FBXO4: variants seen among roughly 807,000 people sequenced by gnomAD.
The protein encoded by FBXO4 is F-box protein 4.
In FBXO4, 36 loss-of-function variants were observed where a neutral mutation model predicts 43.7. The ratio of observed to expected loss-of-function variants is 0.82; its 90% CI spans 0.63 to 1.09. The LOEUF (loss-of-function observed/expected upper bound fraction) is 1.09, where lower values mean the gene tolerates loss of function less well. Ranked by LOEUF, FBXO4 falls within the 50% of genes least tolerant of loss-of-function variation. The pLI, the probability that FBXO4 is intolerant of heterozygous loss-of-function variation, is 0.00. For synonymous variants in FBXO4, 180 were observed against 165.6 expected, an observed-to-expected ratio of 1.09 and a Z score of -0.67; for missense variants, 435 against 474.1, an observed-to-expected ratio of 0.92 and a Z score of 0.77.
the FBXO4 span, among the ~76,000 whole-genome samples, chr5:42,037,532 A>T: frequency 6.6e-6 from 1 of 152,054 alleles, no homozygotes. Flanking sequence ...TTGTTCTCTG[A>T]CCCACGTCCT....
chr5:42,002,382 A>G, the FBXO4 span, among the ~76,000 whole-genome samples: 2 of 152,330 alleles, frequency 1.3e-5, no homozygotes, highest in African/African-American at 4.8e-5. Flanking sequence ...TAACCTTGCT[A>G]TATCTTCAAA....
At chr5:42,001,407 CT>C in the FBXO4 span, among the ~76,000 whole-genome samples, 1 of 152,064 alleles carries the variant, frequency 6.6e-6, no homozygotes, top group African/African-American at 2.4e-5. Context: ...TTTTGTTGTA[CT>C]TTTAGTAGAG....
rs1447690054 is a variant in FBXO4, at chr5:41,936,151, C to T, written c.898+1843C>T. ...AAATCTAAAAATTATGAGACACTCA[C>T]AAAATCAAAATGAAATGATACATTG... On this transcript the variant is annotated intron_variant, in intron 5 of 6. Transcript: ENST00000281623. 3.3e-5 allele frequency among the ~76,000 whole-genome samples: 5 copies of T among 152,156 alleles called. No individual in the cohort carries two copies. In the East Asian group the frequency reaches 9.6e-4, roughly 29 times the overall value.
chr5:41,939,625 AT>A lies in FBXO4; in HGVS notation c.1074+12del. On this transcript the variant is annotated intron_variant, in intron 6 of 6. Coordinates refer to ENST00000281623, the MANE Select transcript of FBXO4 (RefSeq NM_012176.3). ...TAAATCACCCATGGCTGGTAAGATCATTTATACTCTAGTGACAAAAATTTTA... is the reference window on the plus strand; with the variant it reads ...TAAATCACCCATGGCTGGTAAGATCATTATACTCTAGTGACAAAAATTTTA... 1.3e-6 allele frequency: 2 copies of A among 1,592,088 alleles called. No homozygotes were observed. The highest frequency in any genetic ancestry group is 1.7e-6 in the Non-Finnish European group (2 of 1,169,460).
the FBXO4 span, among the ~76,000 whole-genome samples, chr5:41,974,677 C>G: frequency 8.2e-4 from 125 of 152,150 alleles, no homozygotes; most frequent in African/African-American, 2.9e-3. Flanking sequence ...TTCACCTTCT[C>G]TCTTAGAACT....
chr5:41,945,329 G>T (rs1336909337), downstream of FBXO4, among the ~76,000 whole-genome samples: 3 of 152,148 alleles, frequency 2.0e-5, no homozygotes, highest in Non-Finnish European at 2.9e-5. Context: ...TTTTTAGAAT[G>T]AATAATGAAT....
downstream of FBXO4, among the ~76,000 whole-genome samples, chr5:41,944,632 A>G (rs748387948): frequency 4.6e-5 from 7 of 152,226 alleles, no homozygotes; most frequent in Non-Finnish European, 5.9e-5. Flanking sequence ...AATATTCCAT[A>G]TTTAGCAGTC....
chr5:42,040,308 A>G, the FBXO4 span, among the ~76,000 whole-genome samples: 1 of 151,900 alleles, frequency 6.6e-6, no homozygotes, highest in Non-Finnish European at 1.5e-5. Flanking sequence ...AAGTGCACCT[A>G]TTTTGGTTTC....
chr5:41,945,774 A>C (rs1344584000), downstream of FBXO4, among the ~76,000 whole-genome samples: 1 of 152,148 alleles, frequency 6.6e-6, no homozygotes, highest in Non-Finnish European at 1.5e-5. Flanking sequence ...GGGTTAAGGC[A>C]TACTCCCTTC....
the FBXO4 span, among the ~76,000 whole-genome samples, chr5:41,991,938 C>T: frequency 2.6e-5 from 4 of 152,012 alleles, no homozygotes; most frequent in African/African-American, 7.2e-5. Flanking sequence ...ATTAGCCAGG[C>T]GTGGTGGGGC....
chr5:41,948,710 AT>A, the FBXO4 span, among the ~76,000 whole-genome samples: 6 of 152,130 alleles, frequency 3.9e-5, no homozygotes, highest in Non-Finnish European at 1.5e-5. Flanking sequence ...TATTTTTGCC[AT>A]TTTTAGCATT....
chr5:42,021,982 A>G, the FBXO4 span, among the ~76,000 whole-genome samples: 1 of 152,152 alleles, frequency 6.6e-6, no homozygotes, highest in African/African-American at 2.4e-5. Context: ...TTTTAAGAAA[A>G]GCTAACAAAA....
the FBXO4 span, among the ~76,000 whole-genome samples, chr5:42,017,420 CA>C: frequency 6.7e-6 from 1 of 149,404 alleles, no homozygotes; most frequent in African/African-American, 2.5e-5. Flanking sequence ...ATTTTATTTT[CA>C]AAAAATTTCT....
chr5:42,031,970 T>C, the FBXO4 span, among the ~76,000 whole-genome samples: 1 of 152,098 alleles, frequency 6.6e-6, no homozygotes, highest in Non-Finnish European at 1.5e-5. Context: ...GAGAATTCTC[T>C]GGATTACTAG....
At position 41,934,170 on chromosome 5, in the gene FBXO4, G is replaced by T; in HGVS notation, c.760G>T (p.Ala254Ser). ...RDRAREEHTS[A>S]VNKMFSRHNE... ...TAGAGCAAGGGAAGAGCATACAAGT[G>T]CAGTTAACAAGATGTTCAGTCGACA... The change falls in exon 5 of 7, where the codon GCA becomes TCA. Residue 254 changes from alanine to serine, a missense_variant. Transcript: ENST00000281623. The T allele has an allele frequency of 6.2e-7, 1 of 1,614,046 alleles. No individual in the cohort carries two copies.
chr5:41,926,528 T>C (rs573013576), intron 1 of FBXO4, among the ~76,000 whole-genome samples: 2 of 152,254 alleles, frequency 1.3e-5, no homozygotes, highest in South Asian at 4.1e-4. Context: ...AGCCGAGATC[T>C]TGCCACTGCA....
At chr5:41,989,001 A>G in the FBXO4 span, among the ~76,000 whole-genome samples, 5 of 152,120 alleles carry the variant, frequency 3.3e-5, no homozygotes. Context: ...GCTTAGCAAA[A>G]TTTAGATTAT....
At chr5:42,026,339 C>T in the FBXO4 span, among the ~76,000 whole-genome samples, 2,436 of 151,838 alleles carry the variant, frequency 0.016, 123 homozygotes, top group East Asian at 0.1. Flanking sequence ...ACATTTTTCA[C>T]TGTTGGCATA....
intron 5 of FBXO4, among the ~76,000 whole-genome samples, chr5:41,939,056 G>C (rs1382703806): frequency 1.3e-5 from 2 of 152,142 alleles, no homozygotes; most frequent in Non-Finnish European, 2.9e-5. Flanking sequence ...AAGAGGGAAG[G>C]GATTATGCAA....
Sources: gnomAD v4.1 joint callset for allele counts (sites outside exome capture counted in the v4.1 genomes callset) on GRCh38, gnomAD v4.1.1 for gene constraint, MANE v1.5 for transcripts, NCBI Gene and HGNC (gene_info 2026-07-23, HGNC 2026-07-21) for gene names.